The following RHBDD1 variants were observed in gnomAD, a reference collection of about 807,000 sequenced individuals.
RHBDD1 encodes the protein rhomboid domain containing 1.
Under a neutral mutation model 36.3 loss-of-function variants are expected in RHBDD1, and 38 were observed. The ratio of observed to expected loss-of-function variants is 1.05; its 90% CI spans 0.81 to 1.37. RHBDD1 has a LOEUF of 1.37. Ranked by LOEUF, RHBDD1 falls within the 40% of genes most tolerant of loss-of-function variation. The pLI, the probability that RHBDD1 is intolerant of heterozygous loss-of-function variation, is 0.00. For missense variants in RHBDD1, 393 were observed against 377.6 expected (o/e 1.04, Z -0.34); for synonymous variants, 151 against 136.5 (o/e 1.11, Z -0.74).
intron 8 of RHBDD1, among the ~76,000 whole-genome samples, chr2:226,954,099 T>C (rs1290742826): frequency 6.6e-6 from 1 of 152,164 alleles, no homozygotes; most frequent in Non-Finnish European, 1.5e-5. Context: ...ATGTTTCCGG[T>C]GCTGTGCTGA....
chr2:226,835,023 G>A (rs1940850332), upstream of RHBDD1, among the ~76,000 whole-genome samples: 1 of 152,156 alleles, frequency 6.6e-6, no homozygotes, highest in Non-Finnish European at 1.5e-5. Context: ...TGATCCGCCC[G>A]CCTTAGCCTC....
At chr2:226,893,506 CG>C (rs1946852397) in intron 5 of RHBDD1, among the ~76,000 whole-genome samples, 1 of 152,078 alleles carries the variant, frequency 6.6e-6, no homozygotes, top group African/African-American at 2.4e-5. Flanking sequence ...ACTTTTATTG[CG>C]TATCAGTTCA....
At chr2:226,866,599 A>G (rs1944367651) in intron 4 of RHBDD1, among the ~76,000 whole-genome samples, 1 of 152,162 alleles carries the variant, frequency 6.6e-6, no homozygotes, top group Admixed American at 6.5e-5. Context: ...CTTTTTACAG[A>G]TATTTCATGG....
chr2:226,992,183 A>G (rs1958375148), intron 8 of RHBDD1, among the ~76,000 whole-genome samples: 1 of 152,214 alleles, frequency 6.6e-6, no homozygotes, highest in Non-Finnish European at 1.5e-5. Context: ...GGGGAAGTAG[A>G]AGACAGAGTG....
rs143612356 is a variant in RHBDD1, at chr2:226,867,726, C to A, written c.566+408C>A. 7.7e-5 allele frequency: 64 copies of A among 827,026 alleles called. No homozygotes were observed. The South Asian group carries it at 1.8e-3, about 23-fold the overall frequency. The allele number at this position is 827,026 out of a possible 1,614,324, so 51.2% of individuals were successfully genotyped here. ...AATGCTTTTTATTATTATTATTATTCTTTTTTTTTTGAGATGGAGTCTCGC... is the reference window on the plus strand; with the variant it reads ...AATGCTTTTTATTATTATTATTATTATTTTTTTTTTGAGATGGAGTCTCGC... On this transcript the variant is annotated intron_variant, in intron 5 of 8. Transcript: ENST00000392062.
chr2:226,993,815 C>T (rs1028917311), intron 8 of RHBDD1, among the ~76,000 whole-genome samples: 4 of 152,208 alleles, frequency 2.6e-5, no homozygotes, highest in African/African-American at 4.8e-5. Context: ...ATTGAAAAGA[C>T]GGACTCCGTT....
chr2:226,841,525 G>A (rs1941635454), intron 3 of RHBDD1, among the ~76,000 whole-genome samples: 1 of 152,242 alleles, frequency 6.6e-6, no homozygotes, highest in Non-Finnish European at 1.5e-5. Flanking sequence ...TCATCATTTA[G>A]CTCCCAGTTA....
intron 3 of RHBDD1, among the ~76,000 whole-genome samples, chr2:226,856,694 A>C (rs1017074331): frequency 1.3e-5 from 2 of 152,192 alleles, no homozygotes; most frequent in African/African-American, 2.4e-5. Flanking sequence ...AAAAAAATGC[A>C]TGTAGCGTTT....
intron 8 of RHBDD1, among the ~76,000 whole-genome samples, chr2:226,923,508 T>A (rs1158987327): frequency 6.6e-6 from 1 of 152,116 alleles, no homozygotes; most frequent in Admixed American, 6.6e-5. Flanking sequence ...CTTATTTGGG[T>A]CAAATCTGTT....
At chr2:226,814,885 G>T in the RHBDD1 span, among the ~76,000 whole-genome samples, 130 of 152,314 alleles carry the variant, frequency 8.5e-4, 5 homozygotes, top group East Asian at 0.012. Flanking sequence ...TGGTGATGCA[G>T]GTGGCCAAGA....
intron 5 of RHBDD1, 161 bp from the exon 6 acceptor site, chr2:226,906,620 GGTAGGAGATGTT>G: frequency 1.4e-6 from 2 of 1,383,246 alleles, no homozygotes; most frequent in Non-Finnish European, 1.9e-6. Context: ...TTTTTTTTAA[GGTAGGAGATGTT>G]GTTCTTTGGA....
intron 8 of RHBDD1, among the ~76,000 whole-genome samples, chr2:226,987,642 C>A (rs1057333223): frequency 6.6e-6 from 1 of 152,220 alleles, no homozygotes; most frequent in Non-Finnish European, 1.5e-5. Context: ...TCCAGGCCCC[C>A]CTCTGGGTAC....
At chr2:226,942,519 G>A (rs761566697) in intron 8 of RHBDD1, 23 of 363,220 alleles carry the variant, frequency 6.3e-5, no homozygotes, top group African/African-American at 8.8e-5. Context: ...GATTACAGGC[G>A]TGAGCCACCG....
chr2:226,992,611 G>A (rs557103769), intron 8 of RHBDD1, among the ~76,000 whole-genome samples: 110 of 152,258 alleles, frequency 7.2e-4, no homozygotes, highest in Admixed American at 1.1e-3. Context: ...TTAGAGTTAC[G>A]TCTTTGATAT....
chr2:226,864,484 A>C (rs758553292), intron 3 of RHBDD1, 120 bp from the exon 4 acceptor site: 9 of 558,454 alleles, frequency 1.6e-5, no homozygotes, highest in Non-Finnish European at 2.8e-5. Context: ...GTCGAACATA[A>C]ATATTTCTGT....
intron 3 of RHBDD1, among the ~76,000 whole-genome samples, chr2:226,859,308 C>G (rs189609227): frequency 1.1e-4 from 17 of 152,040 alleles, no homozygotes; most frequent in Admixed American, 1.0e-3. Flanking sequence ...ACTTTTTTTT[C>G]TTGTCATTAT....
chr2:226,974,372 G>A (rs778024116), intron 8 of RHBDD1, among the ~76,000 whole-genome samples: 6 of 152,002 alleles, frequency 3.9e-5, no homozygotes, highest in Non-Finnish European at 5.9e-5. Context: ...TGAGTAGCTG[G>A]AATTACAGGC....
At chr2:226,938,846 A>G (rs576569147) in intron 8 of RHBDD1, among the ~76,000 whole-genome samples, 3 of 152,234 alleles carry the variant, frequency 2.0e-5, no homozygotes, top group Admixed American at 6.5e-5. Flanking sequence ...TTTTAGGCCA[A>G]TATCTTTGAT....
chr2:226,929,024 C>CA (rs1334155432), intron 8 of RHBDD1, among the ~76,000 whole-genome samples: 10 of 151,540 alleles, frequency 6.6e-5, no homozygotes, highest in Non-Finnish European at 1.0e-4. Flanking sequence ...AAATTGCCAA[C>CA]AAAAAAAACC....
Sources: gnomAD v4.1 joint callset for allele counts (sites outside exome capture counted in the v4.1 genomes callset) on GRCh38, gnomAD v4.1.1 for gene constraint, MANE v1.5 for transcripts, NCBI Gene and HGNC (gene_info 2026-07-23, HGNC 2026-07-21) for gene names.